Variants in ITGA10 observed in about 807,000 individuals in gnomAD.
ITGA10 encodes the protein integrin alpha-10.
In ITGA10, 105 loss-of-function variants were observed where a neutral mutation model predicts 145.2. That is an observed-to-expected ratio of 0.72 (90% CI 0.62 to 0.85). The LOEUF is 0.85. ITGA10 is among the 40% of genes least tolerant of loss of function. The pLI, the probability that ITGA10 is intolerant of heterozygous loss-of-function variation, is 0.00. For synonymous variants in ITGA10, 506 were observed against 557.8 expected (o/e 0.91, Z 1.31); for missense variants, 1,317 against 1,444.5 (o/e 0.91, Z 1.43).
At chr1:145,897,121 C>T in intron 21 of ITGA10, 34 bp from the exon 22 acceptor site, 1 of 1,591,270 alleles carries the variant, frequency 6.3e-7, no homozygotes, top group South Asian at 1.1e-5. Flanking sequence ...ATGGTAGAGT[C>T]TTCCTCATGG....
intron 26 of ITGA10, 95 bp from the exon 27 acceptor site, chr1:145,895,488 C>G: frequency 7.4e-7 from 1 of 1,350,066 alleles, no homozygotes; most frequent in Non-Finnish European, 1.0e-6. Context: ...CCCAAGGCAC[C>G]TGACTCCATT....
rs1656275511 is a variant in ITGA10 at position 145,901,266 on chromosome 1, A to G, written c.1456T>C (p.Phe486Leu). 2.5e-6 allele frequency: 4 copies of G among 1,614,000 alleles called. No individual in the cohort carries two copies. The highest frequency in any genetic ancestry group is 3.4e-6 in the Non-Finnish European group (4 of 1,180,018). ...TCCAATGGGCAGAGCTCACTGCCAAAGTATGAACCAATCTGGGGAATGGTG... is the reference window on the plus strand; with the variant it reads ...TCCAATGGGCAGAGCTCACTGCCAAGGTATGAACCAATCTGGGGAATGGTG... The part of the protein sequence containing the change: ...SLQGEQIGSY[F>L]GSELCPLDTD... The change falls in exon 13 of 30, where the codon TTT (phenylalanine) becomes CTT (leucine). Residue 486 changes from phenylalanine (F) to leucine (L), a missense_variant. Coordinates refer to ENST00000369304, the MANE Select transcript of ITGA10 (RefSeq NM_003637.5). The surrounding 1 kb of genome is among the most constrained non-coding windows in gnomAD (Gnocchi z 4.3).
rs367753368 is a variant in ITGA10 at position 145,896,085 on chromosome 1, T to C, written c.2931A>G (p.Leu977=). The C allele has an allele frequency of 1.9e-4, 313 of 1,613,986 alleles. No individual in the cohort carries two copies. The highest frequency in any genetic ancestry group is 2.4e-4 in the Non-Finnish European group (282 of 1,179,952). Reference sequence around the variant, plus strand: ...TGAGGCCACTGACCACATAGCAGCCTAGGTTCTGAACCTAAGAGGAAGGTT... The same window carrying C: ...TGAGGCCACTGACCACATAGCAGCCCAGGTTCTGAACCTAAGAGGAAGGTT... ...EFKTTLRVQN[L]GCYVVSGLII... is the part of the protein sequence containing the mutation. The change falls in exon 25 of 30, where the codon CTA becomes CTG. Residue 977 remains leucine, a synonymous_variant. Coordinates refer to ENST00000369304, the MANE Select transcript of ITGA10 (RefSeq NM_003637.5).
chr1:145,903,631 C>T (rs1245604123), intron 7 of ITGA10, among the ~76,000 whole-genome samples: 2 of 151,630 alleles, frequency 1.3e-5, no homozygotes, highest in African/African-American at 4.8e-5. Context: ...TCCAAACCTG[C>T]CCTAACTCTT....
rs1482066521 is a variant in ITGA10, at chr1:145,898,881, A to T, written c.2232+55T>A. 2.6e-6 allele frequency: 4 copies of T among 1,562,422 alleles called. No homozygotes were observed. In the African/African-American group the frequency reaches 5.5e-5, roughly 21 times the overall value. ...TCAGCTAAAATTCCTCCTCTGACCC[A>T]GCTTTCTCCTCATTCTCAGGCCCTG... On this transcript the variant is annotated intron_variant, in intron 17 of 29. Transcript: ENST00000369304.
chr1:145,905,600 A>C (rs1019257390), intron 5 of ITGA10, among the ~76,000 whole-genome samples: 1 of 151,680 alleles, frequency 6.6e-6, no homozygotes, highest in African/African-American at 2.4e-5. Context: ...TTTTTGAGAC[A>C]GAGTCTCACT....
At chr1:145,905,573 C>T (rs1396435876) in intron 5 of ITGA10, among the ~76,000 whole-genome samples, 1 of 150,130 alleles carries the variant, frequency 6.7e-6, no homozygotes, top group East Asian at 2.0e-4. Context: ...GCCACCACGC[C>T]TGGCCCATTT....
chr1:145,899,295 G>A lies in ITGA10; in HGVS notation c.1969C>T (p.Gln657Ter), dbSNP rs1655894987. ...TCCCTCTGAACCACACTGATGGCCT[G>A]TGGGGTCACCTCCAGTGATGGGGTC... is the stretch of plus-strand genomic sequence containing the variant. ...HLTPSLEVTP[Q>*]AISVVQRDCR... The change falls in exon 16 of 30, where the codon CAG becomes TAG. Residue 657 changes from glutamine (Q) to a stop codon, truncating the protein, a stop_gained. Transcript: ENST00000369304. LOFTEE classifies it high-confidence loss of function. 1 of 1,614,216 alleles carries A rather than the reference G, an allele frequency of 6.2e-7. No individual in the cohort carries two copies. The highest frequency in any genetic ancestry group is 8.5e-7 in the Non-Finnish European group (1 of 1,180,028).
At chr1:145,903,063 A>G in intron 7 of ITGA10, 102 bp from the exon 8 acceptor site, 1 of 999,538 alleles carries the variant, frequency 1.0e-6, no homozygotes, top group South Asian at 1.8e-5. Context: ...ACACACACAC[A>G]CACAGGATTT....
At chr1:145,894,685 T>C (rs1655140405) in intron 27 of ITGA10, among the ~76,000 whole-genome samples, 1 of 152,182 alleles carries the variant, frequency 6.6e-6, no homozygotes, top group Non-Finnish European at 1.5e-5. Flanking sequence ...TTAAGTTCAG[T>C]TTCTCCCTGG....
Position 145,893,532 on chromosome 1 carries a change from A to C in ITGA10, c.3324+8T>G. 6.2e-7 allele frequency: 1 copy of C among 1,604,422 alleles called. No individual in the cohort carries two copies. The highest frequency in any genetic ancestry group is 8.5e-7 in the Non-Finnish European group (1 of 1,174,256). On this transcript the variant is annotated splice_region_variant and intron_variant, in intron 28 of 29. Transcript: ENST00000369304. ...TTCACAGCTCTCAGACTCGGTCTCC[A>C]GCCCTACCTCACTCCAACGGGAGGC...
At position 145,892,701 on chromosome 1, in the gene ITGA10, G is replaced by A. The variant is rs1654871226; in HGVS notation, c.*97C>T. The A allele has an allele frequency of 5.7e-6, 5 of 878,348 alleles. No individual in the cohort carries two copies. In the South Asian group the frequency reaches 7.2e-5, roughly 13 times the overall value. The allele number at this position is 878,348 out of a possible 1,614,324, so 54.4% of individuals were successfully genotyped here. On this transcript the variant is annotated 3_prime_UTR_variant, in exon 30 of 30. Transcript: ENST00000369304. The stretch of plus-strand genomic sequence containing the variant: ...GCTGGTCTGGGGAGATAGTCCAGAG[G>A]CGGCTTCTTGTCCCATCTGAGCCCC...
In ITGA10 at chr1:145,901,810, C is replaced by A. The variant is rs2101800342; in HGVS notation, c.1294+67G>T. On this transcript the variant is annotated intron_variant, in intron 11 of 29. Coordinates refer to ENST00000369304, the MANE Select transcript of ITGA10 (RefSeq NM_003637.5). The surrounding 1 kb of genome is among the most constrained non-coding windows in gnomAD (Gnocchi z 4.3). ...ATGAGTTAAGAGGGAGTATTTCATA[C>A]CCGCCCCCACTAGGGATGTATTTCC... 1.3e-6 allele frequency: 2 copies of A among 1,599,376 alleles called. No homozygotes were observed. The highest frequency in any genetic ancestry group is 1.7e-6 in the Non-Finnish European group (2 of 1,170,964).
In ITGA10 at chr1:145,891,820, A is replaced by G. The variant is rs1204476475; in HGVS notation, c.*978T>C. 6.6e-6 allele frequency: 1 copy of G among 152,220 alleles called. No individual in the cohort carries two copies. Among genetic ancestry groups the G allele is most frequent in the East Asian group, 1.9e-4 (1 of 5,190 alleles). 9.4% of individuals were successfully genotyped at this position (152,220 alleles called of 1,614,324 possible). A position where few individuals can be genotyped will look rare whatever the true frequency, so the allele number is the denominator to read the frequency against. ...CTTAATGCAGACTCCACACTTTTAG[A>G]TCCCATGGGGCTGCTGCTTCCCAAA... On this transcript the variant is annotated 3_prime_UTR_variant, in exon 30 of 30. Transcript: ENST00000369304.
chr1:145,898,927 T>A lies in ITGA10; in HGVS notation c.2232+9A>T. ...CCCTGATGCTAAGCAGTTACTGCCC[T>A]CTCCTTACCAGCACATGGAAGTGTA... On this transcript the variant is annotated intron_variant, in intron 17 of 29. Coordinates refer to ENST00000369304, the MANE Select transcript of ITGA10 (RefSeq NM_003637.5). 1 of 1,610,812 alleles carries A rather than the reference T, an allele frequency of 6.2e-7. No individual in the cohort carries two copies. Among genetic ancestry groups the A allele is most frequent in the Non-Finnish European group, 8.5e-7 (1 of 1,177,620 alleles).
Position 145,907,042 on chromosome 1 carries a change from T to C in ITGA10, c.273A>G (p.Leu91=). 6.5e-7 allele frequency: 1 copy of C among 1,543,474 alleles called. No individual in the cohort carries two copies. The highest frequency in any genetic ancestry group is 1.2e-5 in the South Asian group (1 of 83,328). ...GAGAAGGGTCAGGCATCTTCTCACC[T>C]AAGTGGCCCTTGGCACATGGGGCAT... ...AHNAPCAKGH[L]GDYQLGNSSH... is the part of the protein sequence containing the mutation. The change falls in exon 3 of 30, where the codon TTA becomes TTG. Residue 91 remains leucine (L), a splice_region_variant and synonymous_variant. Coordinates refer to ENST00000369304, the MANE Select transcript of ITGA10 (RefSeq NM_003637.5).
At position 145,904,186 on chromosome 1, in the gene ITGA10, C is replaced by T. The variant is rs1553750268; in HGVS notation, c.624G>A (p.Gln208=). 1 of 1,614,154 alleles carries T rather than the reference C, an allele frequency of 6.2e-7. No homozygotes were observed. The highest frequency in any genetic ancestry group is 1.1e-5 in the South Asian group (1 of 91,086). The change falls in exon 7 of 30, where the codon CAG becomes CAA. Residue 208 remains glutamine (Q), a synonymous_variant. Transcript: ENST00000369304. ...ACTCATGTACAGGGCTCTCCCCATA[C>T]TGTACCAGTCCCACCTGGGAATAAA... ...DPEQIQVGLV[Q]YGESPVHEWS...
Position 145,892,719 on chromosome 1 carries a change from T to G in ITGA10, c.*79A>C. On this transcript the variant is annotated 3_prime_UTR_variant, in exon 30 of 30. Transcript: ENST00000369304. ...TCCAGAGGCGGCTTCTTGTCCCATC[T>G]GAGCCCCCAAACCTCTGCTTTTATG... The G allele has an allele frequency of 8.8e-7, 1 of 1,131,522 alleles. No individual in the cohort carries two copies. The highest frequency in any genetic ancestry group is 1.3e-6 in the Non-Finnish European group (1 of 749,042). The allele number at this position is 1,131,522 out of a possible 1,614,324, so 70.1% of individuals were successfully genotyped here.
intron 14 of ITGA10, 130 bp from the exon 15 acceptor site, chr1:145,900,317 G>T (rs1306866176): frequency 1.9e-6 from 2 of 1,031,180 alleles, no homozygotes; most frequent in Non-Finnish European, 2.7e-6. Flanking sequence ...GCCCAGGCTG[G>T]AGTGCAATGG....
Sources: gnomAD v4.1 joint callset for allele counts (sites outside exome capture counted in the v4.1 genomes callset) on GRCh38, gnomAD v4.1.1 for gene constraint, Gnocchi (gnomAD v3.1) non-coding constraint, MANE v1.5 for transcripts, NCBI Gene and HGNC (gene_info 2026-07-23, HGNC 2026-07-21) for gene names.